Variants in UBR4 observed in about 807,000 individuals in gnomAD.
UBR4 encodes E3 ubiquitin-protein ligase UBR4.
Under a neutral mutation model 575.6 loss-of-function variants are expected in UBR4, and 124 were observed. That is an observed-to-expected ratio of 0.22 (90% CI 0.19 to 0.25). The LOEUF (loss-of-function observed/expected upper bound fraction) is 0.25. Ranked by LOEUF, UBR4 falls within the 10% of genes least tolerant of loss-of-function variation. The pLI is 1.00. For missense variants in UBR4, 4,818 were observed against 6,478.8 expected (o/e 0.74, Z 8.80); for synonymous variants, 2,455 against 2,473.7 (o/e 0.99, Z 0.22).
At chr1:19,166,714 CAAAAA>C (rs535369262) in intron 29 of UBR4, among the ~76,000 whole-genome samples, 21 of 73,738 alleles carry the variant, frequency 2.8e-4, no homozygotes, top group Admixed American at 4.4e-4. Flanking sequence ...CCATCTCTAC[CAAAAA>C]AAAAAAAAAA....
intron 20 of UBR4, 107 bp downstream of exon 20, chr1:19,176,485 C>T: frequency 7.2e-7 from 1 of 1,384,934 alleles, no homozygotes; most frequent in Non-Finnish European, 9.9e-7. Context: ...ATAGGGATTA[C>T]ACTAAAGCAA....
At chr1:19,106,379 G>A (rs1000745556) in intron 83 of UBR4, among the ~76,000 whole-genome samples, 190 bp downstream of exon 83, 44 of 152,100 alleles carry the variant, frequency 2.9e-4, no homozygotes, top group African/African-American at 1.0e-3. Flanking sequence ...GTTCTGTTTC[G>A]GCCAGTCCAC....
chr1:19,107,018 C>G (rs767515156), intron 81 of UBR4, 52 bp from the exon 82 acceptor site: 1 of 1,600,870 alleles, frequency 6.2e-7, no homozygotes, highest in Middle Eastern at 2.3e-4. Context: ...ACACCTGAGC[C>G]ATAGCCCCAA....
intron 25 of UBR4, among the ~76,000 whole-genome samples, chr1:19,172,440 C>A (rs2089705842): frequency 6.6e-6 from 1 of 152,128 alleles, no homozygotes; most frequent in Non-Finnish European, 1.5e-5. Context: ...TCACTTGAAC[C>A]CAGGGGGTGG....
At chr1:19,092,701 C>A in intron 97 of UBR4, 118 bp downstream of exon 97, 1 of 783,160 alleles carries the variant, frequency 1.3e-6, no homozygotes. Flanking sequence ...TAGATGACTT[C>A]TGAGGCTCAC....
rs1044846145 is a variant in UBR4, at chr1:19,197,138, C to T, written c.1018+3G>A. On this transcript the variant is annotated splice_donor_region_variant and intron_variant, in intron 8 of 105. Coordinates refer to ENST00000375254, the MANE Select transcript of UBR4 (RefSeq NM_020765.3). ...AATGAGACCAGATATAATAACTTCT[C>T]ACCTGCATACAGACAACTTAGGCTG... The T allele has an allele frequency of 2.5e-6, 4 of 1,613,424 alleles. No homozygotes were observed. The highest frequency in any genetic ancestry group is 3.4e-6 in the Non-Finnish European group (4 of 1,179,748).
At position 19,160,142 on chromosome 1, in the gene UBR4, T is replaced by C. The variant is rs1406357719; in HGVS notation, c.5546A>G (p.Glu1849Gly). 6.2e-7 allele frequency: 1 copy of C among 1,613,614 alleles called. No homozygotes were observed. The highest frequency in any genetic ancestry group is 8.5e-7 in the Non-Finnish European group (1 of 1,179,876). Residue 1849 changes from glutamate (E) to glycine (G), a missense_variant, in exon 39 of 106, where the codon GAG becomes GGG. Physicochemically the swap from Glu to Gly is moderately conservative, Grantham distance 98. This residue lies in a region of UBR4 where 159 missense variants were observed against 174.6 expected (regional missense o/e 0.91). Transcript: ENST00000375254. ...QQALSELHTVEKAVEMTDQLM... is the reference protein window; with the variant it reads ...QQALSELHTVGKAVEMTDQLM... ...CTGGTCTGTCATCTCCACTGCCTTC[T>C]CCACAGTGTGTAGCTCACTGAGGGC...
At position 19,197,777 on chromosome 1, in the gene UBR4, G is replaced by A; in HGVS notation, c.786C>T (p.Asn262=). Residue 262 remains asparagine, a synonymous_variant, in exon 7 of 106, where the codon AAC becomes AAT. Transcript: ENST00000375254. ...GSEKLLRVCL[N]LPYFLRYINR... is the part of the protein sequence containing the mutation. ...TGATATAGCGTAGGAAATATGGCAG[G>A]TTCAAACATACACGCAGTAGCTTCT... 1 of 1,614,162 alleles carries A rather than the reference G, an allele frequency of 6.2e-7. No homozygotes were observed. Among genetic ancestry groups the A allele is most frequent in the Non-Finnish European group, 8.5e-7 (1 of 1,180,042 alleles).
At chr1:19,105,900 C>G (rs955232614) in intron 83 of UBR4, 58 bp from the exon 84 acceptor site, 1 of 1,353,480 alleles carries the variant, frequency 7.4e-7, no homozygotes, top group Admixed American at 3.0e-5. Flanking sequence ...CCTCACCAGG[C>G]CCCCAGCAGG....
intron 55 of UBR4, among the ~76,000 whole-genome samples, chr1:19,142,861 C>T (rs571414139): frequency 6.6e-6 from 1 of 152,118 alleles, no homozygotes; most frequent in East Asian, 1.9e-4. Context: ...GTGGCTCGCG[C>T]CTATAATCCT....
chr1:19,149,763 C>T, intron 49 of UBR4: 4 of 1,301,598 alleles, frequency 3.1e-6, no homozygotes, highest in Non-Finnish European at 4.0e-6. Flanking sequence ...GCATACTAAC[C>T]GGTCCAGCTT....
chr1:19,150,464 T>A (rs1448269769), intron 49 of UBR4, 113 bp downstream of exon 49: 2 of 1,239,018 alleles, frequency 1.6e-6, no homozygotes, highest in Non-Finnish European at 2.3e-6. Context: ...CTTAAAAAAA[T>A]TCCAGGCTAG....
Position 19,081,346 on chromosome 1 carries a change from G to T in UBR4, c.15233+3C>A. 1 of 1,591,152 alleles carries T rather than the reference G, an allele frequency of 6.3e-7. No individual in the cohort carries two copies. Among genetic ancestry groups the T allele is most frequent in the South Asian group, 1.1e-5 (1 of 88,624 alleles). On this transcript the variant is annotated splice_donor_region_variant and intron_variant, in intron 103 of 105. Coordinates refer to ENST00000375254, the MANE Select transcript of UBR4 (RefSeq NM_020765.3). ...GCAGCAGCTTCCGGAAGCAGGTACTGACCTGGTGGCTCCACCTGGAGCCAC... is the reference window on the plus strand; with the variant it reads ...GCAGCAGCTTCCGGAAGCAGGTACTTACCTGGTGGCTCCACCTGGAGCCAC...
Position 19,138,102 on chromosome 1 carries a change from A to G in UBR4, c.8811T>C (p.Thr2937=). ...GCCCAGTGGTGGTGCTGATGGCTCC[A>G]GTGCTTGAGCTGACACTTCCTGGTC... ...PAGPGSVSSS[T]GAISTTTGHQ... is the part of the protein sequence containing the mutation. Residue 2937 remains threonine, a synonymous_variant, in exon 60 of 106, where the codon ACT becomes ACC. Coordinates refer to ENST00000375254, the MANE Select transcript of UBR4 (RefSeq NM_020765.3). The G allele has an allele frequency of 6.3e-7, 1 of 1,599,412 alleles. No individual in the cohort carries two copies. The highest frequency in any genetic ancestry group is 8.5e-7 in the Non-Finnish European group (1 of 1,171,554).
rs372267178 is a variant in UBR4 at position 19,117,853 on chromosome 1, C to A, written c.10599G>T (p.Leu3533=). ...ACGGTACTTCCGGGTTATTACACAC[C>A]AGGCAGGGATCGCTCTCCAGGTAAT... The part of the protein sequence containing the change: ...DGYYLESDPC[L]VCNNPEVPFC... The change falls in exon 72 of 106, where the codon CTG becomes CTT. Residue 3533 remains leucine (L), a synonymous_variant. Coordinates refer to ENST00000375254, the MANE Select transcript of UBR4 (RefSeq NM_020765.3). The surrounding 1 kb of genome is among the most constrained non-coding windows in gnomAD (Gnocchi z 4.0). 39 of 1,614,064 alleles carry A rather than the reference C, an allele frequency of 2.4e-5. No individual in the cohort carries two copies. Among genetic ancestry groups the A allele is most frequent in the Non-Finnish European group, 3.1e-5 (36 of 1,180,030 alleles).
rs2080878062 is a variant in UBR4 at position 19,118,898 on chromosome 1, G to A, written c.10515C>T (p.Thr3505=). ...EILRTQNHIL[T]NHPNSNIYNT... The stretch of plus-strand genomic sequence containing the variant: ...TATAAATGTTCGAGTTGGGGTGGTT[G>A]GTAAGAATATGGTTTTGAGTCCGCA... The change falls in exon 71 of 106, where the codon ACC becomes ACT. Residue 3505 remains threonine (T), a synonymous_variant. Coordinates refer to ENST00000375254, the MANE Select transcript of UBR4 (RefSeq NM_020765.3). The A allele has an allele frequency of 6.2e-7, 1 of 1,614,054 alleles. No homozygotes were observed. Among genetic ancestry groups the A allele is most frequent in the South Asian group, 1.1e-5 (1 of 91,092 alleles).
chr1:19,168,062 G>C lies in UBR4; in HGVS notation c.3864C>G (p.Leu1288=), dbSNP rs1272276338. 1.2e-6 allele frequency: 2 copies of C among 1,613,712 alleles called. No individual in the cohort carries two copies. The highest frequency in any genetic ancestry group is 3.3e-5 in the Admixed American group (2 of 60,008). The part of the protein sequence containing the change: ...LPLAASLKHT[L]LSLVRLTGDL... Reference sequence around the variant, plus strand: ...CTCCAGTCAACCTGACCAGTGAGAGGAGGGTATGCTTCAGGGAAGCAGCCA... The same window carrying C: ...CTCCAGTCAACCTGACCAGTGAGAGCAGGGTATGCTTCAGGGAAGCAGCCA... The change falls in exon 28 of 106, where the codon CTC becomes CTG. Residue 1288 remains leucine, a synonymous_variant. Coordinates refer to ENST00000375254, the MANE Select transcript of UBR4 (RefSeq NM_020765.3).
chr1:19,148,722 G>A, intron 49 of UBR4, 96 bp from the exon 50 acceptor site: 1 of 1,264,352 alleles, frequency 7.9e-7, no homozygotes, highest in South Asian at 1.2e-5. Context: ...CTTGGGGACA[G>A]CTAATGAATG....
chr1:19,102,055 G>C (rs569039824), intron 87 of UBR4, among the ~76,000 whole-genome samples: 23 of 152,332 alleles, frequency 1.5e-4, no homozygotes, highest in African/African-American at 5.5e-4. Context: ...TAAAAGATTA[G>C]GTAGACTGTC....
Sources: allele counts gnomAD v4.1 joint callset (sites outside exome capture counted in the v4.1 genomes callset), GRCh38; gene constraint gnomAD v4.1.1; regional missense constraint gnomAD v4.1.1; non-coding constraint Gnocchi (gnomAD v3.1); transcripts MANE v1.5; gene names NCBI Gene and HGNC (gene_info 2026-07-23, HGNC 2026-07-21).